ASIC2: variants seen among roughly 807,000 people sequenced by gnomAD.
ASIC2 encodes the protein acid-sensing ion channel 2.
A neutral mutation model predicts 57.3 loss-of-function variants in ASIC2; 25 were observed. The observed-to-expected ratio is 0.44, with a 90% confidence interval of 0.32 to 0.61. The LOEUF is 0.61. Among genes scored for constraint, ASIC2 ranks in the 20% least tolerant of loss-of-function variants. The pLI, the probability that ASIC2 is intolerant of heterozygous loss-of-function variation, is 0.06. For synonymous variants in ASIC2, 319 were observed against 307.5 expected (o/e 1.04, Z -0.39); for missense variants, 641 against 738.1 (o/e 0.87, Z 1.52).
chr17:33,649,125 T>C (rs1906841436), intron 1 of ASIC2, among the ~76,000 whole-genome samples: 1 of 152,200 alleles, frequency 6.6e-6, no homozygotes, highest in South Asian at 2.1e-4. Context: ...AAACTAACCC[T>C]ATTTGAAATT....
intron 1 of ASIC2, chr17:33,579,953 G>A (rs1597795343): frequency 6.6e-6 from 1 of 152,072 alleles, no homozygotes; most frequent in East Asian, 1.9e-4. Context: ...AATGCTGATT[G>A]GTCCGTTTTT....
At position 33,592,353 on chromosome 17, in the gene ASIC2, C is replaced by A. The variant is rs188426021; in HGVS notation, c.556-480286G>T. On this transcript the variant is annotated intron_variant, in intron 1 of 9. Coordinates refer to the ASIC2 transcript ENST00000359872. Reference sequence around the variant, plus strand: ...CCTTGGTGTTCACTAGCTGCCGGAGCCTTCTCTGGTTTGCTCTGATTTTAG... The same window carrying A: ...CCTTGGTGTTCACTAGCTGCCGGAGACTTCTCTGGTTTGCTCTGATTTTAG... 1.6e-3 allele frequency among the ~76,000 whole-genome samples: 250 copies of A among 152,332 alleles called. 1 individual carries two copies. The highest frequency in any genetic ancestry group is 5.8e-3 in the African/African-American group (241 of 41,576).
At chr17:33,097,199 C>T (rs1488074496) in intron 2 of ASIC2, among the ~76,000 whole-genome samples, 2 of 152,176 alleles carry the variant, frequency 1.3e-5, no homozygotes, top group African/African-American at 4.8e-5. Flanking sequence ...GCTTTGCAGG[C>T]TGGGACCCTG....
At chr17:33,359,664 G>C (rs796592483) in intron 1 of ASIC2, among the ~76,000 whole-genome samples, 36 of 152,320 alleles carry the variant, frequency 2.4e-4, no homozygotes, top group African/African-American at 8.2e-4. Context: ...CTAGCCAAAA[G>C]AAATAAGAGA....
chr17:33,690,460 T>C (rs1220042265), intron 1 of ASIC2, among the ~76,000 whole-genome samples: 1 of 152,212 alleles, frequency 6.6e-6, no homozygotes, highest in Non-Finnish European at 1.5e-5. Flanking sequence ...ATGCATGGGC[T>C]TCTTCATAGT....
At chr17:33,161,868 T>C (rs955678172) in intron 1 of ASIC2, among the ~76,000 whole-genome samples, 55 of 77,478 alleles carry the variant, frequency 7.1e-4, no homozygotes, top group Non-Finnish European at 1.3e-3. Context: ...TTTTTTTTTT[T>C]TTTTTTTTTT....
chr17:33,964,857 G>C (rs994358712), intron 1 of ASIC2, among the ~76,000 whole-genome samples: 4 of 152,358 alleles, frequency 2.6e-5, no homozygotes, highest in East Asian at 1.9e-4. Flanking sequence ...TCCTGCTGCT[G>C]TGGCCTTGGG....
At chr17:33,537,235 G>A (rs555055091) in intron 1 of ASIC2, among the ~76,000 whole-genome samples, 248 of 152,254 alleles carry the variant, frequency 1.6e-3, no homozygotes, top group African/African-American at 5.8e-3. Context: ...AACATAGCTT[G>A]TTCTGGTGTC....
intron 1 of ASIC2, among the ~76,000 whole-genome samples, chr17:33,169,941 C>T (rs896992243): frequency 2.0e-5 from 3 of 152,246 alleles, no homozygotes; most frequent in South Asian, 2.1e-4. Flanking sequence ...GGGTGATGCC[C>T]TTTTGTACTT....
At chr17:33,367,170 A>C (rs2141935753) in intron 1 of ASIC2, among the ~76,000 whole-genome samples, 1 of 152,264 alleles carries the variant, frequency 6.6e-6, no homozygotes, top group Admixed American at 6.5e-5. Context: ...CATTTCCTTC[A>C]GGGAATTCTA....
At chr17:33,211,043 A>G (rs545375214) in intron 1 of ASIC2, among the ~76,000 whole-genome samples, 1 of 152,362 alleles carries the variant, frequency 6.6e-6, no homozygotes, top group African/African-American at 2.4e-5. Flanking sequence ...TGTCAGGTAC[A>G]GAGAAAGAGG....
At chr17:34,060,813 G>C (rs1233829982) in intron 1 of ASIC2, among the ~76,000 whole-genome samples, 2 of 152,008 alleles carry the variant, frequency 1.3e-5, no homozygotes, top group African/African-American at 4.8e-5. Context: ...AAAAGAATAA[G>C]AAAATATGAA....
At chr17:33,096,493 C>T (rs1318479380) in intron 2 of ASIC2, among the ~76,000 whole-genome samples, 2 of 152,212 alleles carry the variant, frequency 1.3e-5, no homozygotes, top group Admixed American at 6.5e-5. Flanking sequence ...TGCCTCCAAG[C>T]GTGTTTCTGA....
intron 1 of ASIC2, among the ~76,000 whole-genome samples, chr17:33,235,091 T>C (rs1423699573): frequency 6.6e-6 from 1 of 152,222 alleles, no homozygotes; most frequent in Non-Finnish European, 1.5e-5. Flanking sequence ...TAGCCCTCTG[T>C]TCTGGAAAGC....
At chr17:33,916,707 G>T (rs547882989) in intron 1 of ASIC2, among the ~76,000 whole-genome samples, 8 of 152,276 alleles carry the variant, frequency 5.3e-5, no homozygotes, top group African/African-American at 1.9e-4. Context: ...ATGCAAAGAG[G>T]TTGCAATGAC....
chr17:33,221,403 G>A (rs1907687769), intron 1 of ASIC2, among the ~76,000 whole-genome samples: 1 of 152,284 alleles, frequency 6.6e-6, no homozygotes, highest in East Asian at 1.9e-4. Flanking sequence ...AATCTTCAAG[G>A]ACCAGGAACC....
At chr17:34,132,359 C>T (rs1912004433) in intron 1 of ASIC2, among the ~76,000 whole-genome samples, 1 of 152,222 alleles carries the variant, frequency 6.6e-6, no homozygotes, top group Middle Eastern at 3.4e-3. Context: ...GCTTCCACAG[C>T]GTGGAAGGAC....
At chr17:33,399,390 C>G (rs1231295086) in intron 1 of ASIC2, among the ~76,000 whole-genome samples, 1 of 152,190 alleles carries the variant, frequency 6.6e-6, no homozygotes, top group African/African-American at 2.4e-5. Context: ...GAGGGACGAT[C>G]AGGAGGAGGG....
intron 1 of ASIC2, chr17:33,290,539 T>A (rs932986463): frequency 1.3e-5 from 2 of 152,274 alleles, no homozygotes; most frequent in African/African-American, 4.8e-5. Context: ...ACCCACAGCG[T>A]GGGGGAACCG....
Sources: gnomAD v4.1 joint callset for allele counts (sites outside exome capture counted in the v4.1 genomes callset) on GRCh38, gnomAD v4.1.1 for gene constraint, MANE v1.5 for transcripts, NCBI Gene and HGNC (gene_info 2026-07-23, HGNC 2026-07-21) for gene names.